The following CA10 variants were observed in gnomAD, a reference collection of about 807,000 sequenced individuals.
The protein encoded by CA10 is carbonic anhydrase-related protein 10.
In CA10, 14 loss-of-function variants were observed where a neutral mutation model predicts 44.2. That is an observed-to-expected ratio of 0.32 (90% CI 0.21 to 0.50). The LOEUF (loss-of-function observed/expected upper bound fraction) is 0.50. Among genes scored for constraint, CA10 ranks in the 20% least tolerant of loss-of-function variants. The pLI is 0.99. For synonymous variants in CA10, 159 were observed against 141.6 expected (o/e 1.12, Z -0.87); for missense variants, 350 against 409.7 (o/e 0.85, Z 1.26).
intron 3 of CA10, among the ~76,000 whole-genome samples, chr17:51,895,632 A>C (rs1981036820): frequency 6.6e-6 from 1 of 152,162 alleles, no homozygotes; most frequent in Non-Finnish European, 1.5e-5. Context: ...GTCATAAAAC[A>C]GAAGAGGCAC....
intron 5 of CA10, among the ~76,000 whole-genome samples, chr17:51,650,103 TATAGCTTCAA>T (rs1225904337): frequency 6.6e-6 from 1 of 152,170 alleles, no homozygotes; most frequent in African/African-American, 2.4e-5. Context: ...CCTATGCCCT[TATAGCTTCAA>T]ATTCCTCTGT....
chr17:51,700,905 C>T (rs116574452), intron 4 of CA10, among the ~76,000 whole-genome samples: 65 of 152,076 alleles, frequency 4.3e-4, no homozygotes, highest in African/African-American at 1.5e-3. Flanking sequence ...CCACACACCC[C>T]GGGGCCTATG....
intron 4 of CA10, among the ~76,000 whole-genome samples, chr17:51,679,455 G>GT (rs1184353609): frequency 6.6e-6 from 1 of 151,850 alleles, no homozygotes; most frequent in Non-Finnish European, 1.5e-5. Flanking sequence ...TAGAGATGGG[G>GT]TTTCACCGTG....
At chr17:51,830,807 C>T (rs953747316) in intron 3 of CA10, among the ~76,000 whole-genome samples, 11 of 152,082 alleles carry the variant, frequency 7.2e-5, no homozygotes, top group Admixed American at 1.3e-4. Context: ...TGTGGCTGCT[C>T]CATATCTTCC....
At chr17:51,941,324 C>T (rs1198901418) in intron 2 of CA10, among the ~76,000 whole-genome samples, 1 of 152,132 alleles carries the variant, frequency 6.6e-6, no homozygotes, top group Non-Finnish European at 1.5e-5. Context: ...CACAGGAAGG[C>T]ATAAAAGACA....
chr17:51,729,092 G>A (rs544339414), intron 4 of CA10, among the ~76,000 whole-genome samples: 7 of 152,078 alleles, frequency 4.6e-5, no homozygotes, highest in Admixed American at 2.0e-4. Flanking sequence ...AGTGACTCCC[G>A]TTCCACCAGA....
chr17:52,032,219 A>G (rs908688210), intron 2 of CA10, among the ~76,000 whole-genome samples: 28 of 152,330 alleles, frequency 1.8e-4, no homozygotes, highest in Admixed American at 1.8e-3. Flanking sequence ...GGGATGAACC[A>G]TAATACCTTA....
At chr17:52,067,980 T>A (rs533488232) in intron 2 of CA10, among the ~76,000 whole-genome samples, 1 of 152,310 alleles carries the variant, frequency 6.6e-6, no homozygotes, top group Admixed American at 6.5e-5. Context: ...GACTGTGGAC[T>A]TTTGAGTTAA....
intron 3 of CA10, among the ~76,000 whole-genome samples, chr17:51,895,993 T>C (rs1437918744): frequency 6.6e-6 from 1 of 152,102 alleles, no homozygotes; most frequent in African/African-American, 2.4e-5. Context: ...TAAACTATTC[T>C]AGAAATAGGC....
chr17:51,781,776 T>C (rs1213302218), intron 3 of CA10, among the ~76,000 whole-genome samples: 5 of 152,232 alleles, frequency 3.3e-5, no homozygotes, highest in African/African-American at 4.8e-5. Context: ...GTTAGAACAA[T>C]CATGACATGT....
chr17:51,694,181 G>A (rs1452656373), intron 4 of CA10, among the ~76,000 whole-genome samples: 2 of 151,390 alleles, frequency 1.3e-5, no homozygotes, highest in South Asian at 2.1e-4. Flanking sequence ...TCCAGCCTGG[G>A]CAACAAGAGC....
chr17:52,059,292 A>G (rs1598192373), intron 2 of CA10, among the ~76,000 whole-genome samples: 1 of 152,276 alleles, frequency 6.6e-6, no homozygotes, highest in Non-Finnish European at 1.5e-5. Flanking sequence ...CAGAGCTGGA[A>G]TGGTTCTTTG....
At chr17:52,016,039 G>A (rs1832248580) in intron 2 of CA10, among the ~76,000 whole-genome samples, 1 of 152,044 alleles carries the variant, frequency 6.6e-6, no homozygotes, top group Non-Finnish European at 1.5e-5. Flanking sequence ...TCACCTTGGA[G>A]TAGACATTGG....
intron 2 of CA10, among the ~76,000 whole-genome samples, chr17:51,960,675 A>G (rs1401689786): frequency 6.6e-6 from 1 of 152,206 alleles, no homozygotes; most frequent in African/African-American, 2.4e-5. Context: ...TGAAATAAAG[A>G]CCATCTGATC....
At chr17:52,047,584 G>C (rs1986946556) in intron 2 of CA10, among the ~76,000 whole-genome samples, 1 of 151,946 alleles carries the variant, frequency 6.6e-6, no homozygotes, top group East Asian at 2.0e-4. Flanking sequence ...TCACACAAAA[G>C]TAATTCATGC....
At chr17:51,977,030 C>A (rs1984487429) in intron 2 of CA10, among the ~76,000 whole-genome samples, 1 of 151,690 alleles carries the variant, frequency 6.6e-6, no homozygotes, top group African/African-American at 2.4e-5. Context: ...GTGTGACCAA[C>A]CCTGTATACA....
At chr17:51,648,002 C>T (rs949265173) in intron 6 of CA10, among the ~76,000 whole-genome samples, 13 of 152,244 alleles carry the variant, frequency 8.5e-5, no homozygotes, top group African/African-American at 1.2e-4. Flanking sequence ...GCAGTGAGCA[C>T]GTGGTAGTTG....
At chr17:52,034,039 G>A (rs754706626) in intron 2 of CA10, among the ~76,000 whole-genome samples, 2 of 152,244 alleles carry the variant, frequency 1.3e-5, no homozygotes, top group African/African-American at 2.4e-5. Flanking sequence ...GAAGGGGTAA[G>A]TGAGGAGGTA....
chr17:51,701,535 C>T lies in CA10; in HGVS notation c.465+46098G>A, dbSNP rs74768674. Reference sequence around the variant, plus strand: ...GTTTACCTCTGCTCAATAAATTCTGCGAAGATTGGGGCCTTTAATATATGA... The same window carrying T: ...GTTTACCTCTGCTCAATAAATTCTGTGAAGATTGGGGCCTTTAATATATGA... On this transcript the variant is annotated intron_variant, in intron 4 of 8. Transcript: ENST00000451037. Among the ~76,000 whole-genome samples, 1,086 of 152,016 alleles carry T rather than the reference C, an allele frequency of 7.1e-3. 16 individuals carry two copies. The highest frequency in any genetic ancestry group is 0.024 in the African/African-American group (1,005 of 41,454).
Sources: allele counts gnomAD v4.1 joint callset (sites outside exome capture counted in the v4.1 genomes callset), GRCh38; gene constraint gnomAD v4.1.1; transcripts MANE v1.5; gene names NCBI Gene and HGNC (gene_info 2026-07-23, HGNC 2026-07-21).